The following KCNK10 variants were observed in gnomAD, a reference collection of about 807,000 sequenced individuals.
KCNK10 encodes the protein potassium channel subfamily K member 10.
Under a neutral mutation model 47.7 loss-of-function variants are expected in KCNK10, and 25 were observed. That is an observed-to-expected ratio of 0.52 (90% CI 0.38 to 0.73). KCNK10 has a LOEUF of 0.73. Among genes scored for constraint, KCNK10 ranks in the 30% least tolerant of loss-of-function variants. The pLI is 0.00. For synonymous variants in KCNK10, 303 were observed against 285.6 expected, an observed-to-expected ratio of 1.06 and a Z score of -0.61; for missense variants, 563 against 714.5, an observed-to-expected ratio of 0.79 and a Z score of 2.42.
At chr14:88,202,324 T>C (rs1885127694) in intron 4 of KCNK10, among the ~76,000 whole-genome samples, 1 of 152,222 alleles carries the variant, frequency 6.6e-6, no homozygotes, top group Non-Finnish European at 1.5e-5. Flanking sequence ...AGGATCCTTG[T>C]CATTCTTTTT....
intron 4 of KCNK10, among the ~76,000 whole-genome samples, chr14:88,217,071 C>T (rs1277393806): frequency 3.3e-5 from 5 of 152,222 alleles, no homozygotes; most frequent in African/African-American, 1.2e-4. Flanking sequence ...GCAGGAGAGT[C>T]GCTTGAACCC....
chr14:88,239,996 T>C (rs1886407457), intron 3 of KCNK10, among the ~76,000 whole-genome samples: 1 of 152,006 alleles, frequency 6.6e-6, no homozygotes, highest in Admixed American at 6.6e-5. Context: ...AGACAAAGAC[T>C]GATACAGGAA....
At chr14:88,287,199 C>T (rs1453081377) in intron 1 of KCNK10, among the ~76,000 whole-genome samples, 1 of 152,178 alleles carries the variant, frequency 6.6e-6, no homozygotes, top group East Asian at 1.9e-4. Flanking sequence ...GCTTCTCAAG[C>T]CTTACACCCT....
At chr14:88,288,199 C>T (rs780212174) in intron 1 of KCNK10, among the ~76,000 whole-genome samples, 9 of 152,112 alleles carry the variant, frequency 5.9e-5, no homozygotes, top group Non-Finnish European at 1.0e-4. Flanking sequence ...ACAGCTCTAA[C>T]GTTTTGTTCC....
intron 4 of KCNK10, among the ~76,000 whole-genome samples, chr14:88,213,092 T>C (rs1352975496): frequency 6.6e-6 from 1 of 152,216 alleles, no homozygotes; most frequent in African/African-American, 2.4e-5. Context: ...AAAGTATCAA[T>C]GACTACTGAC....
At chr14:88,233,528 C>T (rs538838285) in intron 3 of KCNK10, among the ~76,000 whole-genome samples, 23 of 152,276 alleles carry the variant, frequency 1.5e-4, no homozygotes, top group African/African-American at 5.1e-4. Context: ...GGGAAGGGAA[C>T]CACTGGGGAT....
intron 4 of KCNK10, among the ~76,000 whole-genome samples, chr14:88,220,739 A>C (rs1885782292): frequency 6.6e-6 from 1 of 152,108 alleles, no homozygotes; most frequent in Non-Finnish European, 1.5e-5. Context: ...TACATGTAAA[A>C]TGCAAAAGTA....
chr14:88,248,510 C>T (rs1886703942), intron 2 of KCNK10, among the ~76,000 whole-genome samples: 1 of 152,088 alleles, frequency 6.6e-6, no homozygotes, highest in Admixed American at 6.6e-5. Context: ...AGGAGGATTG[C>T]TTGAGCGCAG....
chr14:88,212,727 C>G (rs1419879884), intron 4 of KCNK10, among the ~76,000 whole-genome samples: 1 of 152,162 alleles, frequency 6.6e-6, no homozygotes, highest in Non-Finnish European at 1.5e-5. Context: ...AGTAAACTTC[C>G]AAGACATAGT....
chr14:88,261,340 T>C (rs751505275), intron 2 of KCNK10, among the ~76,000 whole-genome samples: 1 of 152,232 alleles, frequency 6.6e-6, no homozygotes, highest in Admixed American at 6.5e-5. Context: ...GTAATTATAC[T>C]CCTACTTAAA....
intron 1 of KCNK10, among the ~76,000 whole-genome samples, chr14:88,263,895 T>C (rs923676223): frequency 6.6e-6 from 1 of 152,194 alleles, no homozygotes; most frequent in African/African-American, 2.4e-5. Flanking sequence ...GTGTAAGGAA[T>C]ACAACAAATC....
At chr14:88,259,895 G>T (rs1887061252) in intron 2 of KCNK10, among the ~76,000 whole-genome samples, 1 of 152,162 alleles carries the variant, frequency 6.6e-6, no homozygotes, top group African/African-American at 2.4e-5. Context: ...CCCTCTTGCT[G>T]TTCTTGTGAT....
intron 4 of KCNK10, among the ~76,000 whole-genome samples, chr14:88,216,391 A>G (rs772092804): frequency 5.3e-5 from 8 of 152,182 alleles, no homozygotes; most frequent in Non-Finnish European, 1.2e-4. Context: ...CCCTGAGGAC[A>G]CATTTAGTAA....
chr14:88,239,484 A>G (rs1886390307), intron 3 of KCNK10, among the ~76,000 whole-genome samples: 2 of 152,254 alleles, frequency 1.3e-5, no homozygotes, highest in Admixed American at 6.5e-5. Flanking sequence ...GAAAAGAGAT[A>G]TCATCACCCG....
upstream of KCNK10, among the ~76,000 whole-genome samples, chr14:88,326,181 GC>G (rs376789337): frequency 6.6e-4 from 64 of 97,456 alleles, no homozygotes; most frequent in South Asian, 3.7e-3. Context: ...CAAGTTACCC[GC>G]CCCCCCCCAA....
chr14:88,303,774 C>G (rs898856096), intron 1 of KCNK10, among the ~76,000 whole-genome samples: 10 of 152,058 alleles, frequency 6.6e-5, no homozygotes, highest in African/African-American at 2.4e-4. Flanking sequence ...GTTGTTTCGA[C>G]CAATTGCTTC....
intron 5 of KCNK10, 60 bp downstream of exon 5, chr14:88,192,164 C>T: frequency 6.7e-7 from 1 of 1,485,394 alleles, no homozygotes; most frequent in Non-Finnish European, 9.1e-7. Context: ...GCGAAAAGCA[C>T]AGCCAACAGA....
chr14:88,276,671 C>A (rs2139768041), intron 1 of KCNK10, among the ~76,000 whole-genome samples: 2 of 152,334 alleles, frequency 1.3e-5, no homozygotes, highest in South Asian at 4.1e-4. Context: ...CTGGAGCTAC[C>A]TGGAAATATC....
Position 88,185,694 on chromosome 14 carries a change from T to C in KCNK10, c.1473A>G (p.Lys491=), listed in dbSNP as rs757942892. The C allele has an allele frequency of 6.2e-7, 1 of 1,614,226 alleles. No homozygotes were observed. The highest frequency in any genetic ancestry group is 1.6e-4 in the Middle Eastern group (1 of 6,062). ...FRNYSLDEEK[K]EEETEKMCNS... ...TACACATCTTTTCCGTCTCCTCCTC[T>C]TTCTTCTCCTCGTCCAGGGAGTAAT... The change falls in exon 7 of 7, where the codon AAA becomes AAG. Residue 491 remains lysine (K), a synonymous_variant. Coordinates refer to ENST00000319231, the MANE Select transcript of KCNK10 (RefSeq NM_138317.3). This position sits in a 1 kb window ranked among gnomAD's most constrained non-coding sequence, Gnocchi z 4.3.
Sources: allele counts gnomAD v4.1 joint callset (sites outside exome capture counted in the v4.1 genomes callset), GRCh38; gene constraint gnomAD v4.1.1; non-coding constraint Gnocchi (gnomAD v3.1); transcripts MANE v1.5; gene names NCBI Gene and HGNC (gene_info 2026-07-23, HGNC 2026-07-21).